Variants in CTU1 observed in about 807,000 individuals in gnomAD.
CTU1 encodes cytoplasmic tRNA 2-thiolation protein 1.
A neutral mutation model predicts 12.9 loss-of-function variants in CTU1; 15 were observed. The observed-to-expected ratio is 1.16, with a 90% CI of 0.78 to 1.79. CTU1 has a LOEUF of 1.79. Ranked by LOEUF, CTU1 falls within the 40% of genes most tolerant of loss-of-function variation. CTU1 has a pLI of 0.00. For missense variants in CTU1, 553 were observed against 550.5 expected, an observed-to-expected ratio of 1.00 and a Z score of -0.05; for synonymous variants, 295 against 275.6, an observed-to-expected ratio of 1.07 and a Z score of -0.70.
Position 51,104,781 on chromosome 19 carries a change from C to CT in CTU1, c.-21-192dup, listed in dbSNP as rs143283138. The stretch of plus-strand genomic sequence containing the variant: ...AGGTCCGGTGTAAGGAAGCCACTGC[C>CT]TTAGGGAAGGCTTCTTGGATTGCAC... On this transcript the variant is annotated intron_variant, in intron 1 of 2. Transcript: ENST00000421832. Among the ~76,000 whole-genome samples the CT allele has an allele frequency of 4.5e-3, 680 of 152,254 alleles. 5 individuals carry two copies. Among genetic ancestry groups the CT allele is most frequent in the African/African-American group, 0.015 (644 of 41,552 alleles).
intron 2 of CTU1, among the ~76,000 whole-genome samples, chr19:51,100,269 GA>G (rs1274061871): frequency 6.6e-6 from 1 of 152,164 alleles, no homozygotes; most frequent in Non-Finnish European, 1.5e-5. Context: ...GGCAAGGTTA[GA>G]GTGATGCAAA....
In CTU1 at chr19:51,098,998, G is replaced by A. The variant is rs751245066; in HGVS notation, c.650C>T (p.Ser217Leu). The A allele has an allele frequency of 2.0e-6, 3 of 1,535,808 alleles. No homozygotes were observed. Among genetic ancestry groups the A allele is most frequent in the African/African-American group, 1.4e-5 (1 of 70,920 alleles). Residue 217 changes from serine (S) to leucine (L), a missense_variant, in exon 3 of 3, where the codon TCG (serine) becomes TTG (leucine). By Grantham distance (145) the Ser-to-Leu change is moderately radical (BLOSUM62 -2). Coordinates refer to ENST00000421832, the MANE Select transcript of CTU1 (RefSeq NM_145232.4). This position sits in a 1 kb window ranked among gnomAD's most constrained non-coding sequence, Gnocchi z 4.3. The stretch of plus-strand genomic sequence containing the variant: ...CGCGTACAGCACCACCTCCTTCTGC[G>A]AGGCGAACTGCAGCGGGCGGCAGCG... ...LPRCRPLQFA[S>L]QKEVVLYAHF... is the part of the protein sequence containing the mutation.
chr19:51,105,546 C>T (rs2691254), intron 1 of CTU1, among the ~76,000 whole-genome samples: 83,468 of 151,586 alleles, frequency 0.55, 23,356 homozygotes, highest in East Asian at 0.78. Flanking sequence ...CTGTAGTCAC[C>T]TCCTTGCCAT....
At chr19:51,104,907 C>T (rs1198772423) in intron 1 of CTU1, among the ~76,000 whole-genome samples, 1 of 152,098 alleles carries the variant, frequency 6.6e-6, no homozygotes, top group Non-Finnish European at 1.5e-5. Context: ...TGTGTCCTCT[C>T]CAGAGGGATG....
chr19:51,103,584 C>CAAAAA (rs746986273), intron 2 of CTU1, among the ~76,000 whole-genome samples: 1 of 96,260 alleles, frequency 1.0e-5, no homozygotes, highest in African/African-American at 4.1e-5. Flanking sequence ...GACTCTGTCT[C>CAAAAA]AAAAAAAAAA....
At chr19:51,100,733 A>C (rs2091905379) in intron 2 of CTU1, among the ~76,000 whole-genome samples, 1 of 152,192 alleles carries the variant, frequency 6.6e-6, no homozygotes. Context: ...CACTCTTGAC[A>C]CTTTGATTTT....
chr19:51,105,778 G>A (rs760182365), intron 1 of CTU1, among the ~76,000 whole-genome samples: 1 of 152,140 alleles, frequency 6.6e-6, no homozygotes. Flanking sequence ...CAGGAGCTTT[G>A]GGGTCCAGGA....
Position 51,104,856 on chromosome 19 carries a change from A to G in CTU1, c.-21-266T>C, listed in dbSNP as rs140042108. Among the ~76,000 whole-genome samples, 159 of 152,310 alleles carry G rather than the reference A, an allele frequency of 1.0e-3. 2 individuals carry two copies. The highest frequency in any genetic ancestry group is 6.8e-3 in the South Asian group (33 of 4,832). On this transcript the variant is annotated intron_variant, in intron 1 of 2. Transcript: ENST00000421832. ...AGCTTAAGAAGCTGGCTTCATGGGTAAAGAGAGGGAGCGACAAGCAGGTTA... is the reference window on the plus strand; with the variant it reads ...AGCTTAAGAAGCTGGCTTCATGGGTGAAGAGAGGGAGCGACAAGCAGGTTA...
At chr19:51,102,260 C>G (rs2122793454) in intron 2 of CTU1, among the ~76,000 whole-genome samples, 1 of 152,370 alleles carries the variant, frequency 6.6e-6, no homozygotes, top group East Asian at 1.9e-4. Context: ...GCCTCAGCCT[C>G]CCAAAGTGCT....
Position 51,107,123 on chromosome 19 carries a change from C to T in CTU1, c.-22+1224G>A, listed in dbSNP as rs75219186. Among the ~76,000 whole-genome samples, 4 of 152,248 alleles carry T rather than the reference C, an allele frequency of 2.6e-5. No individual in the cohort carries two copies. The East Asian group carries it at 5.8e-4, about 22-fold the overall frequency. ...CCACGTCCTGAGGAAGGGAGACGCT[C>T]GCAGGGGACAAGGCTGCACAAGTTA... On this transcript the variant is annotated intron_variant, in intron 1 of 2. Coordinates refer to ENST00000421832, the MANE Select transcript of CTU1 (RefSeq NM_145232.4).
intron 2 of CTU1, among the ~76,000 whole-genome samples, chr19:51,103,238 T>C (rs2091911314): frequency 6.6e-6 from 1 of 152,154 alleles, no homozygotes; most frequent in Non-Finnish European, 1.5e-5. Context: ...GTTAAGAACT[T>C]TGGTATGGCC....
Position 51,104,139 on chromosome 19 carries a change from C to T in CTU1, c.431G>A (p.Cys144Tyr), listed in dbSNP as rs1464234248. Residue 144 changes from cysteine to tyrosine, a missense_variant, in exon 2 of 3, where the codon TGC (cysteine) becomes TAC (tyrosine). Physicochemically the swap from Cys to Tyr is radical, Grantham distance 194. Transcript: ENST00000421832. ...TAGSGRSRSCCTFCGVLRRRA... is the reference protein window; with the variant it reads ...TAGSGRSRSCYTFCGVLRRRA... Reference sequence around the variant, plus strand: ...GCGCCGCAGCACTCCACAGAAGGTGCAGCAGGAGCGGCTGCGGCCGGAGCC... The same window carrying T: ...GCGCCGCAGCACTCCACAGAAGGTGTAGCAGGAGCGGCTGCGGCCGGAGCC... The T allele has an allele frequency of 2.6e-6, 4 of 1,517,130 alleles. No individual in the cohort carries two copies. The African/African-American group carries it at 4.3e-5, about 16-fold the overall frequency. The allele number at this position is 1,517,130 out of a possible 1,614,324, so 94.0% of individuals were successfully genotyped here. A position where few individuals can be genotyped will look rare whatever the true frequency, so the allele number is the denominator to read the frequency against.
chr19:51,102,693 C>T (rs1275775407), intron 2 of CTU1, among the ~76,000 whole-genome samples: 1 of 152,206 alleles, frequency 6.6e-6, no homozygotes, highest in Non-Finnish European at 1.5e-5. Flanking sequence ...CTGGTTCCGC[C>T]ACAGCCTACA....
In CTU1 at chr19:51,097,847, G is replaced by C. The variant is rs5018644; in HGVS notation, c.*754C>G. 1 of 152,108 alleles carries C rather than the reference G, an allele frequency of 6.6e-6. No individual in the cohort carries two copies. The highest frequency in any genetic ancestry group is 2.4e-5 in the African/African-American group (1 of 41,394). 9.4% of individuals were successfully genotyped at this position (152,108 alleles called of 1,614,324 possible). A position where few individuals can be genotyped will look rare whatever the true frequency, so the allele number is the denominator to read the frequency against. On this transcript the variant is annotated 3_prime_UTR_variant, in exon 3 of 3. Coordinates refer to ENST00000421832, the MANE Select transcript of CTU1 (RefSeq NM_145232.4). ...CACCCGTGACAGAGATACCAGGAGAGATTCGAGAGGGGATGGGTGGGGGAG... is the reference window on the plus strand; with the variant it reads ...CACCCGTGACAGAGATACCAGGAGACATTCGAGAGGGGATGGGTGGGGGAG...
chr19:51,107,226 G>C (rs941854346), intron 1 of CTU1, among the ~76,000 whole-genome samples: 1 of 152,190 alleles, frequency 6.6e-6, no homozygotes, highest in African/African-American at 2.4e-5. Flanking sequence ...TTTTTGAACA[G>C]TAAAGTGGTA....
chr19:51,099,618 T>C (rs899996173), intron 2 of CTU1, among the ~76,000 whole-genome samples: 10 of 151,936 alleles, frequency 6.6e-5, no homozygotes, highest in Non-Finnish European at 1.3e-4. Context: ...CCCTTTCATA[T>C]AGGGAGTAAA....
intron 1 of CTU1, among the ~76,000 whole-genome samples, chr19:51,107,336 G>A (rs550971961): frequency 6.6e-6 from 1 of 152,260 alleles, no homozygotes; most frequent in South Asian, 2.1e-4. Flanking sequence ...TGGTGGCACA[G>A]GCCTGTAGTA....
chr19:51,104,018 C>T (rs1237983418), intron 2 of CTU1, 44 bp downstream of exon 2: 2 of 1,406,562 alleles, frequency 1.4e-6, no homozygotes, highest in East Asian at 2.8e-5. Flanking sequence ...GCATTCGCCC[C>T]ACTGCCTCGG....
chr19:51,105,995 G>A (rs1175848506), intron 1 of CTU1, among the ~76,000 whole-genome samples: 1 of 152,216 alleles, frequency 6.6e-6, no homozygotes, highest in Admixed American at 6.5e-5. Flanking sequence ...CTGGACGGCT[G>A]CATGGGGCTC....
Sources: gnomAD v4.1 joint callset for allele counts (sites outside exome capture counted in the v4.1 genomes callset) on GRCh38, gnomAD v4.1.1 for gene constraint, Gnocchi (gnomAD v3.1) non-coding constraint, MANE v1.5 for transcripts, NCBI Gene and HGNC (gene_info 2026-07-23, HGNC 2026-07-21) for gene names.